DCAF4L1: variants seen among roughly 807,000 people sequenced by gnomAD.
DCAF4L1 encodes DDB1 and CUL4 associated factor 4 like 1.
Under a neutral mutation model 28.2 loss-of-function variants are expected in DCAF4L1, and 4 were observed. The ratio of observed to expected loss-of-function variants is 0.14; its 90% CI spans 0.07 to 0.33. The LOEUF (loss-of-function observed/expected upper bound fraction) is 0.33, where lower values mean the gene tolerates loss of function less well. Among genes scored for constraint, DCAF4L1 ranks in the 10% least tolerant of loss-of-function variants. The pLI, the probability that DCAF4L1 is intolerant of heterozygous loss-of-function variation, is 1.00. For missense variants in DCAF4L1, 331 were observed against 506.1 expected, an observed-to-expected ratio of 0.65 and a Z score of 3.32; for synonymous variants, 252 against 212.1, an observed-to-expected ratio of 1.19 and a Z score of -1.63.
Position 41,985,099 on chromosome 4 carries a change from CAT to C in DCAF4L1, c.*2123_*2124del, listed in dbSNP as rs1200881324. ...TCATTCAGTAAGAACTAGCTGCAGA[CAT>C]ATATATGTATATATATATATGTCTG... On this transcript the variant is annotated 3_prime_UTR_variant, in exon 1 of 1. Coordinates refer to ENST00000333141, the MANE Select transcript of DCAF4L1 (RefSeq NM_001029955.4). 1.2e-5 allele frequency: 2 copies of C among 165,052 alleles called. No individual in the cohort carries two copies. Among genetic ancestry groups the C allele is most frequent in the African/African-American group, 2.5e-5 (1 of 40,180 alleles). The allele number at this position is 165,052 out of a possible 1,614,324, so 10.2% of individuals were successfully genotyped here.
Position 41,982,490 on chromosome 4 carries a change from C to T in DCAF4L1, c.698C>T (p.Ala233Val), listed in dbSNP as rs1714018917. 6.2e-7 allele frequency: 1 copy of T among 1,614,122 alleles called. No homozygotes were observed. Among genetic ancestry groups the T allele is most frequent in the Admixed American group, 1.7e-5 (1 of 60,016 alleles). The change falls in exon 1 of 1, where the codon GCT becomes GTT. Residue 233 changes from alanine to valine, a missense_variant. Coordinates refer to ENST00000333141, the MANE Select transcript of DCAF4L1 (RefSeq NM_001029955.4). The surrounding 1 kb of genome is among the most constrained non-coding windows in gnomAD (Gnocchi z 4.4). ...TSSDVLAQQF[A>V]STAPLLFNGC... ...AGTGATGTCTTGGCCCAGCAGTTTG[C>T]TAGTACGGCTCCTTTGCTGTTTAAT... is the stretch of plus-strand genomic sequence containing the variant.
chr4:41,982,623 A>T lies in DCAF4L1; in HGVS notation c.831A>T (p.Gln277His). 9 of 1,614,214 alleles carry T rather than the reference A, an allele frequency of 5.6e-6. No homozygotes were observed. Among genetic ancestry groups the T allele is most frequent in the Non-Finnish European group, 7.6e-6 (9 of 1,180,034 alleles). Reference protein sequence around the residue: ...LFHDSAVTSVQILQEEQCLMA... With the variant: ...LFHDSAVTSVHILQEEQCLMA... ...ATGACTCAGCAGTGACCTCTGTGCA[A>T]ATCCTCCAAGAAGAGCAATGCCTGA... is the stretch of plus-strand genomic sequence containing the variant. The change falls in exon 1 of 1, where the codon CAA becomes CAT. Residue 277 changes from glutamine to histidine, a missense_variant. By Grantham distance (24) the Gln-to-His change is conservative (BLOSUM62 0). Coordinates refer to ENST00000333141, the MANE Select transcript of DCAF4L1 (RefSeq NM_001029955.4). This position sits in a 1 kb window ranked among gnomAD's most constrained non-coding sequence, Gnocchi z 4.4.
Sources: allele counts gnomAD v4.1 joint callset, GRCh38; gene constraint gnomAD v4.1.1; non-coding constraint Gnocchi (gnomAD v3.1); transcripts MANE v1.5; gene names NCBI Gene and HGNC (gene_info 2026-07-23, HGNC 2026-07-21).